The following FAM135A variants were observed in gnomAD, a reference collection of about 807,000 sequenced individuals.
FAM135A encodes family with sequence similarity 135 member A, also known as protein FAM135A.
FAM135A carries 79 observed loss-of-function variants against 146.8 expected under a neutral mutation model. The observed-to-expected ratio is 0.54, with a 90% CI of 0.45 to 0.65. FAM135A has a LOEUF of 0.65. Among genes scored for constraint, FAM135A ranks in the 30% least tolerant of loss-of-function variants. FAM135A has a pLI of 0.00. For missense variants in FAM135A, 1,623 were observed against 1,758.2 expected (o/e 0.92, Z 1.38); for synonymous variants, 562 against 603.6 (o/e 0.93, Z 1.01).
At chr6:70,479,603 G>A (rs1783322637) in intron 8 of FAM135A, among the ~76,000 whole-genome samples, 1 of 152,072 alleles carries the variant, frequency 6.6e-6, no homozygotes, top group African/African-American at 2.4e-5. Flanking sequence ...GCTTTTTGCT[G>A]GTGGTGTGTT....
chr6:70,507,051 G>A (rs1789934912), intron 12 of FAM135A, among the ~76,000 whole-genome samples: 1 of 151,802 alleles, frequency 6.6e-6, no homozygotes, highest in African/African-American at 2.4e-5. Flanking sequence ...TCAGGTTTGT[G>A]GAAAATTAGA....
At chr6:70,530,536 A>G (rs1012305698) in intron 16 of FAM135A, among the ~76,000 whole-genome samples, 1 of 152,180 alleles carries the variant, frequency 6.6e-6, no homozygotes, top group African/African-American at 2.4e-5. Context: ...CCACTAAACT[A>G]TTTTTGAAGA....
At chr6:70,472,247 A>G (rs925519639) in intron 5 of FAM135A, among the ~76,000 whole-genome samples, 2 of 152,140 alleles carry the variant, frequency 1.3e-5, no homozygotes, top group South Asian at 2.1e-4. Flanking sequence ...ACCTCACGTT[A>G]CCTGGGTGCT....
chr6:70,436,989 A>G (rs1396416034), intron 4 of FAM135A, among the ~76,000 whole-genome samples: 1 of 152,214 alleles, frequency 6.6e-6, no homozygotes, highest in African/African-American at 2.4e-5. Context: ...CTATATGAAA[A>G]TCAAAACATA....
chr6:70,541,840 G>T (rs1169049425), intron 20 of FAM135A, among the ~76,000 whole-genome samples: 2 of 152,258 alleles, frequency 1.3e-5, no homozygotes, highest in African/African-American at 4.8e-5. Flanking sequence ...CATCTGCCTA[G>T]TGAGAAACTT....
At chr6:70,546,932 T>C (rs1798964869) in intron 20 of FAM135A, among the ~76,000 whole-genome samples, 1 of 152,088 alleles carries the variant, frequency 6.6e-6, no homozygotes, top group South Asian at 2.1e-4. Context: ...TATATAGACA[T>C]TAGATGACAG....
rs918160689 is a variant in FAM135A, at chr6:70,559,606, A to G, written c.4343-110A>G. The G allele has an allele frequency of 3.0e-5, 26 of 853,230 alleles. No individual in the cohort carries two copies. In the Admixed American group the frequency reaches 7.8e-4, roughly 25 times the overall value. 52.9% of individuals were successfully genotyped at this position (853,230 alleles called of 1,614,324 possible). A position where few individuals can be genotyped will look rare whatever the true frequency, so the allele number is the denominator to read the frequency against. On this transcript the variant is annotated intron_variant, in intron 21 of 21. Transcript: ENST00000418814. Reference sequence around the variant, plus strand: ...TTAAAAAGAGCCATTTTTCTGCTTTATATGGAAATAATGTAACTAAATTTT... The same window carrying G: ...TTAAAAAGAGCCATTTTTCTGCTTTGTATGGAAATAATGTAACTAAATTTT...
chr6:70,451,990 A>G (rs2128037254), intron 4 of FAM135A, among the ~76,000 whole-genome samples: 1 of 152,166 alleles, frequency 6.6e-6, no homozygotes, highest in Admixed American at 6.5e-5. Context: ...CTTTTAGAAT[A>G]AATAAGTAAA....
chr6:70,480,985 T>C lies in FAM135A; in HGVS notation c.627T>C (p.Ser209=), dbSNP rs1381537515. ...NKDSVIPTLE[S]VVFGINYTKQ... ...ATTCCGTGATTCCTACTCTTGAAAG[T>C]GTGGTCTTTGGTATTAACTACACAA... Residue 209 remains serine (S), a synonymous_variant, in exon 9 of 22, where the codon AGT becomes AGC. Coordinates refer to ENST00000418814, the MANE Select transcript of FAM135A (RefSeq NM_001162529.3). 1.2e-6 allele frequency: 2 copies of C among 1,612,414 alleles called. No individual in the cohort carries two copies.
At chr6:70,434,685 G>A (rs116053194) in intron 4 of FAM135A, among the ~76,000 whole-genome samples, 191 of 152,236 alleles carry the variant, frequency 1.3e-3, no homozygotes, top group African/African-American at 4.3e-3. Context: ...TTTGAAAAGC[G>A]GCAAATATTT....
intron 2 of FAM135A, among the ~76,000 whole-genome samples, chr6:70,418,659 GC>G (rs1187639982): frequency 6.6e-6 from 1 of 152,228 alleles, no homozygotes; most frequent in Non-Finnish European, 1.5e-5. Flanking sequence ...CAGTGACTGA[GC>G]ATGTTTAGTC....
chr6:70,503,454 A>T (rs946586055), intron 12 of FAM135A: 3 of 152,172 alleles, frequency 2.0e-5, no homozygotes, highest in African/African-American at 7.2e-5. Context: ...TTTTTTAATT[A>T]TAAAACATAA....
rs143952459 is a variant in FAM135A, at chr6:70,453,554, T to C, written c.157+983T>C. ...ACATTAGGTGTTTCTCCTAATGCTATTCCTCCCCCATCCCCCCACCCCACA... is the reference window on the plus strand; with the variant it reads ...ACATTAGGTGTTTCTCCTAATGCTACTCCTCCCCCATCCCCCCACCCCACA... On this transcript the variant is annotated intron_variant, in intron 5 of 21. Coordinates refer to ENST00000418814, the MANE Select transcript of FAM135A (RefSeq NM_001162529.3). Among the ~76,000 whole-genome samples the C allele has an allele frequency of 9.2e-4, 140 of 152,220 alleles. 1 individual carries two copies. The highest frequency in any genetic ancestry group is 3.3e-3 in the African/African-American group (135 of 41,528).
chr6:70,475,751 T>C lies in FAM135A; in HGVS notation c.368+18T>C. ...GATTATTCGTAAGTAGCTAATCAAT[T>C]AAAAAACCTTTAGGCACTTATGACT... On this transcript the variant is annotated intron_variant, in intron 7 of 21. Coordinates refer to ENST00000418814, the MANE Select transcript of FAM135A (RefSeq NM_001162529.3). The C allele has an allele frequency of 6.3e-7, 1 of 1,576,042 alleles. No homozygotes were observed. Among genetic ancestry groups the C allele is most frequent in the Non-Finnish European group, 8.7e-7 (1 of 1,154,950 alleles).
rs137975429 is a variant in FAM135A, at chr6:70,452,943, A to G, written c.157+372A>G. Among the ~76,000 whole-genome samples, 53 of 152,268 alleles carry G rather than the reference A, an allele frequency of 3.5e-4. No individual in the cohort carries two copies. In the East Asian group the frequency reaches 9.4e-3, roughly 27 times the overall value. On this transcript the variant is annotated intron_variant, in intron 5 of 21. Transcript: ENST00000418814. ...GTTTTATGGTATGCATTTTGAGGACATTTTTTAAACCAATTTTTTTTTTCT... is the reference window on the plus strand; with the variant it reads ...GTTTTATGGTATGCATTTTGAGGACGTTTTTTAAACCAATTTTTTTTTTCT...
intron 12 of FAM135A, among the ~76,000 whole-genome samples, chr6:70,520,132 G>C (rs1038317382): frequency 1.3e-5 from 2 of 151,602 alleles, no homozygotes; most frequent in African/African-American, 4.9e-5. Context: ...TCTTGTAACT[G>C]CCTGTGTACT....
At chr6:70,450,992 C>A (rs2128029369) in intron 4 of FAM135A, among the ~76,000 whole-genome samples, 1 of 152,032 alleles carries the variant, frequency 6.6e-6, no homozygotes, top group South Asian at 2.1e-4. Flanking sequence ...ATCCTCCTGC[C>A]TTGGCCTCCC....
rs1794458506 is a variant in FAM135A at position 70,525,244 on chromosome 6, A to G, written c.2160A>G (p.Ala720=). 3.7e-6 allele frequency: 6 copies of G among 1,600,102 alleles called. No individual in the cohort carries two copies. The highest frequency in any genetic ancestry group is 5.1e-6 in the Non-Finnish European group (6 of 1,175,160). ...ITFEKEALQE[A]KCLSIGESLT... ...TTGAAAAGGAAGCTTTGCAAGAAGC[A>G]AAGTGTCTTTCTATTGGAGAATCAT... Residue 720 remains alanine (A), a synonymous_variant, in exon 15 of 22, where the codon GCA becomes GCG. Coordinates refer to ENST00000418814, the MANE Select transcript of FAM135A (RefSeq NM_001162529.3).
At chr6:70,506,216 T>C (rs1441528117) in intron 12 of FAM135A, among the ~76,000 whole-genome samples, 1 of 152,122 alleles carries the variant, frequency 6.6e-6, no homozygotes, top group Non-Finnish European at 1.5e-5. Context: ...TTTGGAAATT[T>C]AGGACTCTGA....
Sources: gnomAD v4.1 joint callset for allele counts (sites outside exome capture counted in the v4.1 genomes callset) on GRCh38, gnomAD v4.1.1 for gene constraint, MANE v1.5 for transcripts, NCBI Gene and HGNC (gene_info 2026-07-23, HGNC 2026-07-21) for gene names.